The following SMYD3 variants were observed in gnomAD, a reference collection of about 807,000 sequenced individuals.
SMYD3 encodes the protein histone-lysine N-methyltransferase SMYD3.
A neutral mutation model predicts 57.7 loss-of-function variants in SMYD3; 36 were observed. That is an observed-to-expected ratio of 0.62 (90% CI 0.48 to 0.82). The LOEUF is 0.82. SMYD3 is among the 40% of genes least tolerant of loss of function. SMYD3 has a pLI of 0.00. For missense variants in SMYD3, 515 were observed against 538.8 expected (o/e 0.96, Z 0.44); for synonymous variants, 211 against 195.0 (o/e 1.08, Z -0.68).
chr1:246,341,200 T>C (rs2065629220), intron 2 of SMYD3, among the ~76,000 whole-genome samples: 1 of 152,176 alleles, frequency 6.6e-6, no homozygotes, highest in African/African-American at 2.4e-5. Flanking sequence ...AGAAGTACTT[T>C]TATACGAAAG....
At chr1:246,225,805 G>C (rs1158696432) in intron 5 of SMYD3, among the ~76,000 whole-genome samples, 1 of 152,100 alleles carries the variant, frequency 6.6e-6, no homozygotes, top group South Asian at 2.1e-4. Flanking sequence ...GGAGGGATTC[G>C]TAACAACTAT....
intron 1 of SMYD3, among the ~76,000 whole-genome samples, chr1:246,381,174 T>C (rs2066380868): frequency 6.6e-6 from 1 of 152,152 alleles, no homozygotes; most frequent in Non-Finnish European, 1.5e-5. Flanking sequence ...TTAAAGGACT[T>C]ACTCTCACTG....
chr1:245,807,612 T>G (rs1420463687), intron 10 of SMYD3, among the ~76,000 whole-genome samples: 1 of 152,146 alleles, frequency 6.6e-6, no homozygotes, highest in Non-Finnish European at 1.5e-5. Flanking sequence ...GGCCTTGCAT[T>G]CATGGACTGG....
intron 5 of SMYD3, among the ~76,000 whole-genome samples, chr1:246,157,090 T>C (rs1002985181): frequency 3.9e-5 from 6 of 152,200 alleles, no homozygotes; most frequent in African/African-American, 1.4e-4. Context: ...ACTTAGCGCT[T>C]ACATCACCAA....
At chr1:246,503,904 A>G (rs1316003294) in intron 1 of SMYD3, among the ~76,000 whole-genome samples, 1 of 151,018 alleles carries the variant, frequency 6.6e-6, no homozygotes, top group Non-Finnish European at 1.5e-5. Flanking sequence ...TGGTGAGCCA[A>G]GATCACACCA....
chr1:246,485,559 A>C (rs559798832), intron 1 of SMYD3, among the ~76,000 whole-genome samples: 1 of 152,112 alleles, frequency 6.6e-6, no homozygotes, highest in East Asian at 1.9e-4. Context: ...ATGCAAGAGG[A>C]TCACTTGAGG....
At chr1:246,343,899 T>C (rs541711448) in intron 2 of SMYD3, among the ~76,000 whole-genome samples, 1 of 152,308 alleles carries the variant, frequency 6.6e-6, no homozygotes, top group South Asian at 2.1e-4. Flanking sequence ...ACTTAATAGC[T>C]CTGTGGTGAC....
intron 5 of SMYD3, among the ~76,000 whole-genome samples, chr1:246,086,619 C>T (rs1274733776): frequency 6.7e-6 from 1 of 150,366 alleles, no homozygotes; most frequent in Non-Finnish European, 1.5e-5. Flanking sequence ...AAGCAAATGA[C>T]AACAACAACA....
At chr1:246,015,746 T>C (rs2059365733) in intron 5 of SMYD3, among the ~76,000 whole-genome samples, 1 of 152,330 alleles carries the variant, frequency 6.6e-6, no homozygotes, top group Admixed American at 6.5e-5. Flanking sequence ...GGTTCACCCA[T>C]GTTATAGCAT....
chr1:246,373,303 A>G (rs980715932), intron 1 of SMYD3, among the ~76,000 whole-genome samples: 2 of 152,190 alleles, frequency 1.3e-5, no homozygotes, highest in African/African-American at 4.8e-5. Flanking sequence ...AATTGTGTCT[A>G]GTCTAACGCA....
chr1:246,108,818 C>A (rs2061176860), intron 5 of SMYD3: 2 of 152,362 alleles, frequency 1.3e-5, no homozygotes, highest in South Asian at 2.1e-4. Flanking sequence ...ACACTAAACT[C>A]AGTATTAGCA....
intron 5 of SMYD3, among the ~76,000 whole-genome samples, chr1:245,957,786 TA>T (rs1468358775): frequency 6.6e-6 from 1 of 152,222 alleles, no homozygotes; most frequent in Admixed American, 6.5e-5. Flanking sequence ...CTTGGCCTGG[TA>T]AAACAGGATA....
intron 5 of SMYD3, among the ~76,000 whole-genome samples, chr1:246,198,863 C>T (rs752210999): frequency 7.2e-5 from 11 of 152,102 alleles, no homozygotes; most frequent in Non-Finnish European, 1.5e-4. Context: ...TAAACAGATG[C>T]AATTAATGAA....
intron 1 of SMYD3, among the ~76,000 whole-genome samples, chr1:246,391,468 A>G (rs2066571508): frequency 1.3e-5 from 2 of 151,376 alleles, no homozygotes; most frequent in Non-Finnish European, 2.9e-5. Flanking sequence ...GGAGAGGGGG[A>G]GAGAGGGAGA....
At chr1:245,863,217 T>G (rs1184762783) in intron 9 of SMYD3, among the ~76,000 whole-genome samples, 2 of 152,228 alleles carry the variant, frequency 1.3e-5, no homozygotes, top group African/African-American at 4.8e-5. Flanking sequence ...ATCCAAATCC[T>G]GCCCCTGACT....
chr1:245,990,335 C>T (rs777846380), intron 5 of SMYD3, among the ~76,000 whole-genome samples: 9 of 152,162 alleles, frequency 5.9e-5, no homozygotes, highest in Admixed American at 2.0e-4. Flanking sequence ...GCAATCCTCC[C>T]GCCTGGGCAT....
intron 1 of SMYD3, among the ~76,000 whole-genome samples, chr1:246,407,248 T>C (rs1187040232): frequency 6.6e-6 from 1 of 152,220 alleles, no homozygotes; most frequent in African/African-American, 2.4e-5. Flanking sequence ...AATTCTCATA[T>C]TGTTCTAGTG....
intron 5 of SMYD3, among the ~76,000 whole-genome samples, chr1:245,981,642 A>G (rs1394381318): frequency 6.6e-6 from 1 of 152,254 alleles, no homozygotes; most frequent in Non-Finnish European, 1.5e-5. Context: ...ATCTAAAAGA[A>G]AAAGTCCAAT....
intron 1 of SMYD3, among the ~76,000 whole-genome samples, chr1:246,387,456 A>G (rs2066504139): frequency 6.6e-6 from 1 of 152,252 alleles, no homozygotes; most frequent in Admixed American, 6.5e-5. Flanking sequence ...TGCCAGTTTA[A>G]CATTTATTCA....
Sources: allele counts gnomAD v4.1 joint callset (sites outside exome capture counted in the v4.1 genomes callset), GRCh38; gene constraint gnomAD v4.1.1; transcripts MANE v1.5; gene names NCBI Gene and HGNC (gene_info 2026-07-23, HGNC 2026-07-21).